The following ABTB3 variants were observed in gnomAD, a reference collection of about 807,000 sequenced individuals.
The protein encoded by ABTB3 is ankyrin repeat and BTB domain containing 3.
chr12:107,421,469 C>T, the ABTB3 span, among the ~76,000 whole-genome samples: 26 of 152,270 alleles, frequency 1.7e-4, no homozygotes, highest in African/African-American at 6.3e-4. Context: ...GAAAGAGAAT[C>T]TGCTTAGACT....
At chr12:107,611,489 A>C in the ABTB3 span, among the ~76,000 whole-genome samples, 1 of 152,208 alleles carries the variant, frequency 6.6e-6, no homozygotes, top group East Asian at 1.9e-4. Flanking sequence ...TGTCTTTTTT[A>C]AAAATCACTT....
At chr12:107,610,342 C>A in the ABTB3 span, 1 of 1,614,088 alleles carries the variant, frequency 6.2e-7, no homozygotes, top group Non-Finnish European at 8.5e-7. Flanking sequence ...GGGATCAACA[C>A]CATGAGCGAA....
At chr12:107,358,515 A>G in the ABTB3 span, among the ~76,000 whole-genome samples, 2 of 152,214 alleles carry the variant, frequency 1.3e-5, no homozygotes, top group African/African-American at 4.8e-5. Context: ...TCCTGTCTCA[A>G]GTAATGATTC....
chr12:107,360,218 T>A, the ABTB3 span, among the ~76,000 whole-genome samples: 2 of 151,516 alleles, frequency 1.3e-5, no homozygotes, highest in Non-Finnish European at 2.9e-5. Flanking sequence ...CCAGGGGAGG[T>A]GATAGCTGAG....
the ABTB3 span, among the ~76,000 whole-genome samples, chr12:107,485,469 G>T: frequency 6.6e-6 from 1 of 151,994 alleles, no homozygotes; most frequent in Non-Finnish European, 1.5e-5. Context: ...CTGACTCTTG[G>T]CCCTTTGCTT....
At chr12:107,540,345 T>G in the ABTB3 span, among the ~76,000 whole-genome samples, 1,313 of 152,206 alleles carry the variant, frequency 8.6e-3, 24 homozygotes, top group African/African-American at 0.028. Flanking sequence ...CTGTGCCTTT[T>G]TGTTCTATCC....
chr12:107,657,037 T>G, the ABTB3 span, among the ~76,000 whole-genome samples: 1 of 148,064 alleles, frequency 6.8e-6, no homozygotes, highest in South Asian at 2.1e-4. Flanking sequence ...AGCGAAACCC[T>G]GTCTCAAAAA....
At chr12:107,657,050 A>AT in the ABTB3 span, among the ~76,000 whole-genome samples, 1 of 143,606 alleles carries the variant, frequency 7.0e-6, no homozygotes, top group South Asian at 2.2e-4. Context: ...CTCAAAAAAA[A>AT]CAAAAAAAAG....
At chr12:107,617,505 A>G in the ABTB3 span, 3 of 1,570,268 alleles carry the variant, frequency 1.9e-6, no homozygotes, top group Non-Finnish European at 2.6e-6. Context: ...TCCCAGGCCT[A>G]CCCCAGACCC....
chr12:107,637,156 T>G, the ABTB3 span, among the ~76,000 whole-genome samples: 1 of 152,202 alleles, frequency 6.6e-6, no homozygotes, highest in South Asian at 2.1e-4. Context: ...AATTCACTCA[T>G]TTATTTGTCA....
the ABTB3 span, among the ~76,000 whole-genome samples, chr12:107,591,696 A>G: frequency 1.3e-5 from 2 of 152,240 alleles, no homozygotes; most frequent in African/African-American, 4.8e-5. Context: ...GGAAATAAGA[A>G]TAACTGCAGC....
At chr12:107,641,986 A>G in the ABTB3 span, 1 of 1,037,420 alleles carries the variant, frequency 9.6e-7, no homozygotes, top group Non-Finnish European at 1.5e-6. Flanking sequence ...TCAGATTTGC[A>G]GGGGAAGAAA....
the ABTB3 span, among the ~76,000 whole-genome samples, chr12:107,612,165 A>G: frequency 6.6e-6 from 1 of 152,214 alleles, no homozygotes; most frequent in African/African-American, 2.4e-5. Flanking sequence ...TTGAAAATCC[A>G]TCCTTTCCTT....
the ABTB3 span, among the ~76,000 whole-genome samples, chr12:107,525,283 C>T: frequency 4.0e-5 from 5 of 123,520 alleles, no homozygotes; most frequent in African/African-American, 1.6e-4. Flanking sequence ...GTCATGATCA[C>T]ACCTCTGCAC....
At chr12:107,658,385 T>G in the ABTB3 span, 1 of 152,578 alleles carries the variant, frequency 6.6e-6, no homozygotes, top group Non-Finnish European at 1.5e-5. Context: ...TGTGTAAACA[T>G]GCATCTGATA....
At chr12:107,494,727 C>T in the ABTB3 span, among the ~76,000 whole-genome samples, 1 of 152,302 alleles carries the variant, frequency 6.6e-6, no homozygotes, top group East Asian at 1.9e-4. Context: ...CCACAGCCCT[C>T]GCCACCTCCC....
the ABTB3 span, among the ~76,000 whole-genome samples, chr12:107,422,512 A>G: frequency 6.6e-6 from 1 of 152,236 alleles, no homozygotes; most frequent in Non-Finnish European, 1.5e-5. Flanking sequence ...AATAGGCTGT[A>G]GAAAGATAAG....
At chr12:107,339,815 A>G in the ABTB3 span, among the ~76,000 whole-genome samples, 1 of 152,168 alleles carries the variant, frequency 6.6e-6, no homozygotes, top group South Asian at 2.1e-4. Context: ...GCCAACTGTC[A>G]TGTAGGCAAT....
the ABTB3 span, among the ~76,000 whole-genome samples, chr12:107,360,746 G>A: frequency 6.6e-6 from 1 of 151,858 alleles, no homozygotes; most frequent in African/African-American, 2.4e-5. Context: ...TTAGTCACTG[G>A]GTACATGGCT....
Sources: gnomAD v4.1 joint callset for allele counts (sites outside exome capture counted in the v4.1 genomes callset) on GRCh38, gnomAD v4.1.1 for gene constraint, MANE v1.5 for transcripts, NCBI Gene and HGNC (gene_info 2026-07-23, HGNC 2026-07-21) for gene names.